Variants in CAMK4 observed in about 807,000 individuals in gnomAD.
CAMK4 encodes the protein calcium/calmodulin-dependent protein kinase type IV.
CAMK4 carries 22 observed loss-of-function variants against 44.9 expected under a neutral mutation model. That is an observed-to-expected ratio of 0.49 (90% CI 0.35 to 0.70). The LOEUF (loss-of-function observed/expected upper bound fraction) is 0.70. Among genes scored for constraint, CAMK4 ranks in the 30% least tolerant of loss-of-function variants. The pLI is 0.01. For missense variants in CAMK4, 498 were observed against 586.8 expected (o/e 0.85, Z 1.56); for synonymous variants, 218 against 215.4 (o/e 1.01, Z -0.11).
intron 7 of CAMK4, among the ~76,000 whole-genome samples, chr5:111,472,129 A>G (rs1351871219): frequency 6.6e-6 from 1 of 152,074 alleles, no homozygotes; most frequent in African/African-American, 2.4e-5. Context: ...TCCTGACCTC[A>G]GGTGATCCAC....
At chr5:111,258,575 A>G (rs1024573651) in intron 1 of CAMK4, among the ~76,000 whole-genome samples, 6 of 152,150 alleles carry the variant, frequency 3.9e-5, no homozygotes, top group African/African-American at 7.2e-5. Context: ...CTGATTCACT[A>G]TCATGAGAAT....
chr5:111,412,874 T>G (rs981923603), intron 5 of CAMK4, among the ~76,000 whole-genome samples: 3 of 152,204 alleles, frequency 2.0e-5, no homozygotes, highest in African/African-American at 7.2e-5. Flanking sequence ...CCTAGAAATT[T>G]CTACATAATC....
intron 1 of CAMK4, among the ~76,000 whole-genome samples, chr5:111,335,466 A>G (rs1377754912): frequency 6.6e-6 from 1 of 151,384 alleles, no homozygotes; most frequent in Non-Finnish European, 1.5e-5. Context: ...GGAGGAAAAA[A>G]TAAAATTAAA....
chr5:111,383,214 A>G (rs1035472825), intron 4 of CAMK4, among the ~76,000 whole-genome samples: 1 of 152,320 alleles, frequency 6.6e-6, no homozygotes, highest in Admixed American at 6.5e-5. Flanking sequence ...TAGAAAAGGC[A>G]TGAAGGGAAT....
At chr5:111,389,067 G>A (rs1234961586) in intron 4 of CAMK4, among the ~76,000 whole-genome samples, 1 of 152,130 alleles carries the variant, frequency 6.6e-6, no homozygotes, top group Non-Finnish European at 1.5e-5. Context: ...ATAAACAACA[G>A]AAATTTATTT....
Position 111,311,299 on chromosome 5 carries a change from A to G in CAMK4, c.162-32725A>G, listed in dbSNP as rs143379384. The stretch of plus-strand genomic sequence containing the variant: ...GAGGGGCTGCCTGCTGCCATGTGGC[A>G]GTCACCACCTGCACACTTGCTGTCC... On this transcript the variant is annotated intron_variant, in intron 1 of 10. Transcript: ENST00000282356. Among the ~76,000 whole-genome samples, 682 of 152,362 alleles carry G rather than the reference A, an allele frequency of 4.5e-3. 10 individuals are homozygous for G. The highest frequency in any genetic ancestry group is 0.016 in the African/African-American group (650 of 41,572).
chr5:111,259,206 T>C (rs1749873946), intron 1 of CAMK4, among the ~76,000 whole-genome samples: 1 of 152,228 alleles, frequency 6.6e-6, no homozygotes, highest in African/African-American at 2.4e-5. Context: ...GGTAAATACA[T>C]TTAATGTTAA....
chr5:111,244,569 T>C (rs960381872), intron 1 of CAMK4, among the ~76,000 whole-genome samples: 1 of 152,198 alleles, frequency 6.6e-6, no homozygotes, highest in Non-Finnish European at 1.5e-5. Flanking sequence ...TATTAAAATA[T>C]AACATAAAAT....
chr5:111,399,965 AG>A (rs1274290014), intron 5 of CAMK4, among the ~76,000 whole-genome samples: 3 of 152,148 alleles, frequency 2.0e-5, no homozygotes, highest in Non-Finnish European at 4.4e-5. Flanking sequence ...CACCTGTTGG[AG>A]TTATACCAGT....
intron 5 of CAMK4, among the ~76,000 whole-genome samples, chr5:111,409,302 C>A (rs1752548713): frequency 6.6e-6 from 1 of 152,346 alleles, no homozygotes; most frequent in South Asian, 2.1e-4. Flanking sequence ...GGCTCAACAC[C>A]ATGTGGAAGC....
At chr5:111,444,188 G>A (rs1437429422) in intron 5 of CAMK4, among the ~76,000 whole-genome samples, 2 of 152,170 alleles carry the variant, frequency 1.3e-5, no homozygotes, top group Non-Finnish European at 2.9e-5. Flanking sequence ...ACAGCCAGAT[G>A]CCTGAGTCTG....
intron 5 of CAMK4, among the ~76,000 whole-genome samples, chr5:111,414,044 A>G (rs1199405185): frequency 6.6e-6 from 1 of 152,292 alleles, no homozygotes; most frequent in East Asian, 1.9e-4. Context: ...AACTTTTAGA[A>G]TTCTGTTTCT....
chr5:111,242,789 T>A (rs1429087059), intron 1 of CAMK4, among the ~76,000 whole-genome samples: 4 of 152,154 alleles, frequency 2.6e-5, no homozygotes, highest in Non-Finnish European at 5.9e-5. Context: ...TGTGTTCTTG[T>A]GCAGCACCTC....
chr5:111,472,288 G>A (rs1169239275), intron 7 of CAMK4, among the ~76,000 whole-genome samples: 3 of 152,112 alleles, frequency 2.0e-5, no homozygotes, highest in African/African-American at 7.2e-5. Flanking sequence ...CCCTATCCCA[G>A]AGAATGGTAT....
At chr5:111,280,576 A>T (rs1750968041) in intron 1 of CAMK4, among the ~76,000 whole-genome samples, 1 of 152,208 alleles carries the variant, frequency 6.6e-6, no homozygotes, top group Admixed American at 6.5e-5. Flanking sequence ...AAAATTCTAA[A>T]TACAGTTGTT....
At chr5:111,331,273 T>C (rs2112721763) in intron 1 of CAMK4, among the ~76,000 whole-genome samples, 1 of 151,586 alleles carries the variant, frequency 6.6e-6, no homozygotes, top group South Asian at 2.1e-4. Flanking sequence ...ATTTTTTAAA[T>C]GGGCAAAAGA....
At position 111,490,393 on chromosome 5, in the gene CAMK4, G is replaced by A. The variant is rs1375887205; in HGVS notation, c.*5927G>A. 1 of 152,296 alleles carries A rather than the reference G, an allele frequency of 6.6e-6. No homozygotes were observed. Among genetic ancestry groups the A allele is most frequent in the South Asian group, 2.1e-4 (1 of 4,834 alleles). The allele number at this position is 152,296 out of a possible 1,614,324, so 9.4% of individuals were successfully genotyped here. On this transcript the variant is annotated 3_prime_UTR_variant, in exon 11 of 11. Coordinates refer to ENST00000282356, the MANE Select transcript of CAMK4 (RefSeq NM_001744.6). ...GGAGGCCGAGGTTGGCAGATCACCT[G>A]AGGTCAGGAGTTTGAGACCAGCCTG...
intron 2 of CAMK4, among the ~76,000 whole-genome samples, chr5:111,355,609 G>A (rs867692971): frequency 4.7e-5 from 7 of 148,510 alleles, no homozygotes; most frequent in Admixed American, 2.0e-4. Context: ...CCATTAACTC[G>A]TCATTTAGCA....
At chr5:111,335,343 C>T (rs142091196) in intron 1 of CAMK4, among the ~76,000 whole-genome samples, 11 of 151,488 alleles carry the variant, frequency 7.3e-5, no homozygotes, top group African/African-American at 2.4e-4. Flanking sequence ...CCCAGACTTC[C>T]TAATTCCATT....
Sources: gnomAD v4.1 joint callset for allele counts (sites outside exome capture counted in the v4.1 genomes callset) on GRCh38, gnomAD v4.1.1 for gene constraint, MANE v1.5 for transcripts, NCBI Gene and HGNC (gene_info 2026-07-23, HGNC 2026-07-21) for gene names.